MSRB3: variants seen among roughly 807,000 people sequenced by gnomAD.
The protein encoded by MSRB3 is methionine-R-sulfoxide reductase B3.
MSRB3 carries 13 observed loss-of-function variants against 21.0 expected under a neutral mutation model. The observed-to-expected ratio is 0.62, with a 90% CI of 0.40 to 0.98. The LOEUF is 0.98. Among genes scored for constraint, MSRB3 ranks in the 50% least tolerant of loss-of-function variants. MSRB3 has a pLI of 0.00. For missense variants in MSRB3, 199 were observed against 230.3 expected (o/e 0.86, Z 0.88); for synonymous variants, 87 against 88.6 (o/e 0.98, Z 0.10).
At chr12:65,289,206 T>C (rs956116905) in intron 1 of MSRB3, among the ~76,000 whole-genome samples, 2 of 152,208 alleles carry the variant, frequency 1.3e-5, no homozygotes, top group African/African-American at 4.8e-5. Flanking sequence ...ATTATATAAA[T>C]GTTATTGGCC....
At chr12:65,457,967 TCTCTGGA>T (rs1375083621) in intron 6 of MSRB3, among the ~76,000 whole-genome samples, 1 of 152,228 alleles carries the variant, frequency 6.6e-6, no homozygotes, top group Non-Finnish European at 1.5e-5. Context: ...GCTTGTCTTT[TCTCTGGA>T]CTGAGTTGCC....
intron 1 of MSRB3, among the ~76,000 whole-genome samples, chr12:65,307,586 T>A (rs1245262319): frequency 6.6e-6 from 1 of 152,198 alleles, no homozygotes; most frequent in Non-Finnish European, 1.5e-5. Flanking sequence ...AGTTTATTAA[T>A]CTAGTATTTT....
At chr12:65,411,167 A>G (rs1880698510) in intron 5 of MSRB3, among the ~76,000 whole-genome samples, 2 of 152,220 alleles carry the variant, frequency 1.3e-5, no homozygotes, top group Admixed American at 6.5e-5. Context: ...TCCTACTTAT[A>G]TAACAGTGGC....
At chr12:65,406,848 C>T (rs1880440412) in intron 5 of MSRB3, among the ~76,000 whole-genome samples, 2 of 152,164 alleles carry the variant, frequency 1.3e-5, no homozygotes, top group African/African-American at 4.8e-5. Context: ...AGGGAACTAG[C>T]TAGGTCCATT....
intron 5 of MSRB3, among the ~76,000 whole-genome samples, chr12:65,404,486 C>A (rs989938741): frequency 6.6e-6 from 1 of 152,132 alleles, no homozygotes; most frequent in African/African-American, 2.4e-5. Flanking sequence ...AACTGCTATC[C>A]ATTAGATAAA....
chr12:65,441,096 A>G (rs909340930), intron 5 of MSRB3, among the ~76,000 whole-genome samples: 1 of 151,888 alleles, frequency 6.6e-6, no homozygotes, highest in Non-Finnish European at 1.5e-5. Flanking sequence ...CTACAGTACC[A>G]TAGTGTCTTT....
intron 5 of MSRB3, chr12:65,419,220 C>A (rs968462484): frequency 5.6e-6 from 4 of 716,716 alleles, no homozygotes; most frequent in Admixed American, 3.8e-5. Flanking sequence ...AGTATTTGTC[C>A]AGCCCTTCTC....
chr12:65,368,925 C>T, intron 4 of MSRB3, 73 bp from the exon 5 acceptor site: 2 of 111,752 alleles, frequency 1.8e-5, no homozygotes, highest in African/African-American at 3.4e-4. Flanking sequence ...CCAACCACAC[C>T]CCCCCCCCCC....
intron 4 of MSRB3, among the ~76,000 whole-genome samples, chr12:65,349,658 A>G (rs1876798557): frequency 6.8e-6 from 1 of 147,580 alleles, no homozygotes; most frequent in Non-Finnish European, 1.5e-5. Context: ...TCTGATGGCC[A>G]GTGATGGTGA....
chr12:65,423,022 G>T (rs192921167), intron 5 of MSRB3, among the ~76,000 whole-genome samples: 1 of 146,846 alleles, frequency 6.8e-6, no homozygotes, highest in Admixed American at 6.9e-5. Context: ...GAGTGCAATG[G>T]TGCAATCTTG....
chr12:65,303,746 G>A (rs1873480586), intron 1 of MSRB3, among the ~76,000 whole-genome samples: 1 of 152,164 alleles, frequency 6.6e-6, no homozygotes, highest in South Asian at 2.1e-4. Flanking sequence ...AAGCAAATCA[G>A]TGCCCTGAAA....
intron 5 of MSRB3, among the ~76,000 whole-genome samples, chr12:65,390,718 T>C (rs1435918694): frequency 6.6e-6 from 1 of 152,160 alleles, no homozygotes; most frequent in Non-Finnish European, 1.5e-5. Context: ...CTTAACAGCC[T>C]AAATGTCCAA....
chr12:65,358,876 CCTGCTT>C (rs1877543117), intron 4 of MSRB3, among the ~76,000 whole-genome samples: 1 of 151,948 alleles, frequency 6.6e-6, no homozygotes. Flanking sequence ...TCTACCCTTA[CCTGCTT>C]CTATGATTTT....
intron 5 of MSRB3, among the ~76,000 whole-genome samples, chr12:65,431,468 G>T (rs1881874346): frequency 3.3e-5 from 5 of 151,886 alleles, no homozygotes; most frequent in Admixed American, 3.3e-4. Flanking sequence ...TATGTTTCTT[G>T]CCTTTCCTGT....
intron 4 of MSRB3, among the ~76,000 whole-genome samples, chr12:65,353,616 T>A (rs1565850320): frequency 6.6e-6 from 1 of 152,180 alleles, no homozygotes; most frequent in Non-Finnish European, 1.5e-5. Context: ...AGCCTATGTG[T>A]GTCTCTGCAT....
intron 4 of MSRB3, among the ~76,000 whole-genome samples, chr12:65,363,920 A>G (rs1407082527): frequency 1.3e-5 from 2 of 152,158 alleles, no homozygotes; most frequent in Admixed American, 1.3e-4. Flanking sequence ...CGGGAGGTGG[A>G]GGTTGCATTG....
At chr12:65,402,942 A>T (rs1164576004) in intron 5 of MSRB3, among the ~76,000 whole-genome samples, 1 of 152,338 alleles carries the variant, frequency 6.6e-6, no homozygotes, top group East Asian at 1.9e-4. Flanking sequence ...AGGCTGCAGA[A>T]CAGCAAAGAT....
chr12:65,466,290 A>G lies in MSRB3; in HGVS notation c.*2968A>G, dbSNP rs1469814153. On this transcript the variant is annotated 3_prime_UTR_variant, in exon 7 of 7. Transcript: ENST00000308259. ...TTGGGTTTAAGTGGTATCAAATTTC[A>G]GTATATTTCTGTCTTATGTGAAAGA... 6.6e-6 allele frequency: 1 copy of G among 152,196 alleles called. No homozygotes were observed. The highest frequency in any genetic ancestry group is 1.5e-5 in the Non-Finnish European group (1 of 68,038). 9.4% of individuals were successfully genotyped at this position (152,196 alleles called of 1,614,324 possible). A position where few individuals can be genotyped will look rare whatever the true frequency, so the allele number is the denominator to read the frequency against.
At chr12:65,376,429 A>G (rs879943764) in intron 5 of MSRB3, among the ~76,000 whole-genome samples, 9 of 152,154 alleles carry the variant, frequency 5.9e-5, no homozygotes, top group African/African-American at 2.2e-4. Flanking sequence ...GCTTCTTTAG[A>G]TATTACCATC....
Sources: allele counts gnomAD v4.1 joint callset (sites outside exome capture counted in the v4.1 genomes callset), GRCh38; gene constraint gnomAD v4.1.1; transcripts MANE v1.5; gene names NCBI Gene and HGNC (gene_info 2026-07-23, HGNC 2026-07-21).